Variants in PRKN observed in about 807,000 individuals in gnomAD.
The protein encoded by PRKN is parkin RBR E3 ubiquitin protein ligase.
PRKN carries 56 observed loss-of-function variants against 59.5 expected under a neutral mutation model. That is an observed-to-expected ratio of 0.94 (90% confidence interval 0.76 to 1.18). The LOEUF (loss-of-function observed/expected upper bound fraction) is 1.18, where lower values mean the gene tolerates loss of function less well. PRKN is among the 50% of genes most tolerant of loss of function. The probability of loss-of-function intolerance (pLI) is 0.00; values close to 1 mark genes in which losing one functional copy is unlikely to be tolerated. For missense variants in PRKN, 657 were observed against 596.4 expected, an observed-to-expected ratio of 1.10 and a Z score of -1.06; for synonymous variants, 250 against 222.1, an observed-to-expected ratio of 1.13 and a Z score of -1.12.
intron 1 of PRKN, among the ~76,000 whole-genome samples, chr6:162,515,423 T>G (rs558095040): frequency 7.2e-6 from 1 of 138,594 alleles, no homozygotes; most frequent in Non-Finnish European, 1.7e-5. Context: ...AGAATTCAAA[T>G]TATATTAGTA....
At chr6:161,815,097 C>A (rs919035879) in intron 6 of PRKN, among the ~76,000 whole-genome samples, 1 of 152,208 alleles carries the variant, frequency 6.6e-6, no homozygotes, top group Non-Finnish European at 1.5e-5. Context: ...AGACCATAAG[C>A]CGCATTTCAT....
In PRKN at chr6:162,054,137, C is replaced by T. The variant is rs530632014; in HGVS notation, c.572G>A (p.Arg191Gln). ...TGGGGATTGGCATTCACCACTCATCCGGTTTGGAATTAAAACATCATCCCA... is the reference window on the plus strand; with the variant it reads ...TGGGGATTGGCATTCACCACTCATCTGGTTTGGAATTAAAACATCATCCCA... ...SCWDDVLIPN[R>Q]MSGECQSPHC... The change falls in exon 5 of 12, where the codon CGG becomes CAG. Residue 191 changes from arginine to glutamine, a missense_variant. Coordinates refer to ENST00000366898, the MANE Select transcript of PRKN (RefSeq NM_004562.3). 21 of 1,613,540 alleles carry T rather than the reference C, an allele frequency of 1.3e-5. No homozygotes were observed. The highest frequency in any genetic ancestry group is 6.7e-5 in the Admixed American group (4 of 60,018).
intron 9 of PRKN, among the ~76,000 whole-genome samples, chr6:161,452,516 A>C (rs1789782478): frequency 6.6e-6 from 1 of 152,194 alleles, no homozygotes; most frequent in African/African-American, 2.4e-5. Flanking sequence ...TCAAGTATGT[A>C]TAAATTCCTT....
chr6:162,587,405 G>A (rs934651866), intron 1 of PRKN, among the ~76,000 whole-genome samples: 1 of 152,026 alleles, frequency 6.6e-6, no homozygotes, highest in Non-Finnish European at 1.5e-5. Flanking sequence ...CAAAGCACTG[G>A]GATTACAGGT....
intron 1 of PRKN, among the ~76,000 whole-genome samples, chr6:162,578,830 T>C (rs1780665289): frequency 1.3e-5 from 2 of 152,276 alleles, no homozygotes; most frequent in South Asian, 4.1e-4. Flanking sequence ...TTCAAAAAAA[T>C]CCCATTTAAG....
intron 9 of PRKN, among the ~76,000 whole-genome samples, chr6:161,539,704 T>C (rs1024020872): frequency 1.3e-5 from 2 of 152,164 alleles, no homozygotes; most frequent in Non-Finnish European, 2.9e-5. Flanking sequence ...GGTTATAAAC[T>C]GAAAAGTAAA....
chr6:162,323,415 CAAAAT>C (rs1783119814), intron 2 of PRKN, among the ~76,000 whole-genome samples: 1 of 108,546 alleles, frequency 9.2e-6, no homozygotes. Context: ...TTTTGACTGT[CAAAAT>C]AAAAAAAATT....
In PRKN at chr6:161,460,978, T is replaced by G. The variant is rs192183684; in HGVS notation, c.1084-74101A>C. On this transcript the variant is annotated intron_variant, in intron 9 of 11. Coordinates refer to ENST00000366898, the MANE Select transcript of PRKN (RefSeq NM_004562.3). The surrounding 1 kb of genome is among the most constrained non-coding windows in gnomAD (Gnocchi z 5.0). ...TTCACCATGTTGGCCAGGATGGTCT[T>G]GATCACCTGACCTCATGATCTGCCT... Among the ~76,000 whole-genome samples the G allele has an allele frequency of 8.4e-4, 128 of 152,016 alleles. No homozygotes were observed. Among genetic ancestry groups the G allele is most frequent in the African/African-American group, 2.3e-3 (96 of 41,478 alleles).
chr6:162,117,596 TC>T (rs1400528373), intron 4 of PRKN, among the ~76,000 whole-genome samples: 1 of 152,192 alleles, frequency 6.6e-6, no homozygotes, highest in Non-Finnish European at 1.5e-5. Flanking sequence ...TGAGATGGTG[TC>T]AGAACCTGTT....
intron 1 of PRKN, among the ~76,000 whole-genome samples, chr6:162,513,504 G>A (rs1313275498): frequency 6.9e-6 from 1 of 145,218 alleles, no homozygotes; most frequent in Non-Finnish European, 1.5e-5. Context: ...GGGAAAGAAA[G>A]AGAGAAAGAA....
chr6:161,805,449 C>T (rs1464249698), intron 6 of PRKN, among the ~76,000 whole-genome samples: 1 of 48,990 alleles, frequency 2.0e-5, no homozygotes, highest in Non-Finnish European at 3.8e-5. Context: ...TGAGTACACA[C>T]ATGCACACAC....
intron 4 of PRKN, among the ~76,000 whole-genome samples, chr6:162,059,139 CTAAAA>C (rs748253297): frequency 2.0e-4 from 30 of 152,148 alleles, no homozygotes; most frequent in Non-Finnish European, 3.5e-4. Flanking sequence ...CTAATAGCAA[CTAAAA>C]TATTTATGGA....
intron 2 of PRKN, among the ~76,000 whole-genome samples, chr6:162,303,606 G>A (rs762186734): frequency 5.7e-4 from 83 of 146,218 alleles, no homozygotes; most frequent in Non-Finnish European, 5.7e-4. Flanking sequence ...TAAAGATTAG[G>A]AAGCTGTAAA....
intron 7 of PRKN, among the ~76,000 whole-genome samples, chr6:161,598,796 G>A (rs978479929): frequency 4.6e-5 from 7 of 152,126 alleles, no homozygotes; most frequent in Non-Finnish European, 8.8e-5. Context: ...TTTGGATGTT[G>A]GGTGGCCATG....
At chr6:162,213,845 AC>A (rs1777518980) in intron 3 of PRKN, among the ~76,000 whole-genome samples, 1 of 134,308 alleles carries the variant, frequency 7.4e-6, no homozygotes, top group African/African-American at 2.8e-5. Flanking sequence ...ACACACACAC[AC>A]ACACACACAC....
At chr6:161,384,011 G>T (rs1166067263) in intron 10 of PRKN, among the ~76,000 whole-genome samples, 1 of 152,202 alleles carries the variant, frequency 6.6e-6, no homozygotes, top group Non-Finnish European at 1.5e-5. Flanking sequence ...AGCAGGAAGA[G>T]CCTCATCTCC....
chr6:162,216,003 G>A (rs530459823), intron 3 of PRKN, among the ~76,000 whole-genome samples: 39 of 152,066 alleles, frequency 2.6e-4, no homozygotes, highest in African/African-American at 9.2e-4. Context: ...GAGCAAGATC[G>A]CACCACTGCA....
intron 9 of PRKN, among the ~76,000 whole-genome samples, chr6:161,500,876 CTTTT>C (rs34247928): frequency 1.7e-5 from 2 of 115,400 alleles, no homozygotes; most frequent in African/African-American, 3.5e-5. Context: ...TTTTTTTTTT[CTTTT>C]TTTTTTTTTT....
rs778536639 is a variant in PRKN, at chr6:161,499,019, G to C, written c.1083+49835C>G. Reference sequence around the variant, plus strand: ...CTTTGCAACCTCCGCACATTTCTCAGAACTCAGGCTGAAACCCTGTGATCT... The same window carrying C: ...CTTTGCAACCTCCGCACATTTCTCACAACTCAGGCTGAAACCCTGTGATCT... On this transcript the variant is annotated intron_variant, in intron 9 of 11. Coordinates refer to ENST00000366898, the MANE Select transcript of PRKN (RefSeq NM_004562.3). This position sits in a 1 kb window ranked among gnomAD's most constrained non-coding sequence, Gnocchi z 4.2. Among the ~76,000 whole-genome samples the C allele has an allele frequency of 1.3e-5, 2 of 152,014 alleles. No homozygotes were observed. The highest frequency in any genetic ancestry group is 2.9e-5 in the Non-Finnish European group (2 of 68,026).
Sources: allele counts gnomAD v4.1 joint callset (sites outside exome capture counted in the v4.1 genomes callset), GRCh38; gene constraint gnomAD v4.1.1; non-coding constraint Gnocchi (gnomAD v3.1); transcripts MANE v1.5; gene names NCBI Gene and HGNC (gene_info 2026-07-23, HGNC 2026-07-21).